Variants in NBPF8 observed in about 807,000 individuals in gnomAD.
NBPF8 encodes the protein NBPF family member NBPF8.
chr1:120,423,165 G>A (rs1164778952), intron 1 of NBPF8, among the ~76,000 whole-genome samples: 1 of 136,026 alleles, frequency 7.4e-6, no homozygotes, highest in South Asian at 2.2e-4. Context: ...TTAGTAGATT[G>A]TGCTTTTGGT....
chr1:120,466,063 T>C (rs1661739509), exon 25 of NBPF8: 2 of 1,612,032 alleles, frequency 1.2e-6, no homozygotes, highest in Non-Finnish European at 1.7e-6. Flanking sequence ...ATCAATGTAC[T>C]GTGAACTACG....
At chr1:120,460,064 G>A (rs1386268905) in intron 17 of NBPF8, among the ~76,000 whole-genome samples, 1 of 152,008 alleles carries the variant, frequency 6.6e-6, no homozygotes, top group East Asian at 1.9e-4. Context: ...CATGTTCCTG[G>A]TATGTTTTCT....
At chr1:120,430,605 T>A (rs1660849717) in intron 3 of NBPF8, among the ~76,000 whole-genome samples, 1 of 143,614 alleles carries the variant, frequency 7.0e-6, no homozygotes, top group South Asian at 2.2e-4. Context: ...ATACAAAAAA[T>A]TAGCTAGGCG....
chr1:120,451,982 C>G lies in NBPF8; in HGVS notation n.2075-135C>G. ...TTCTATTCTTTCTCTTGGCCACAGACATTCCTTTCAACATGTGCTGACCTT... is the reference window on the plus strand; with the variant it reads ...TTCTATTCTTTCTCTTGGCCACAGAGATTCCTTTCAACATGTGCTGACCTT... On this transcript the variant is annotated intron_variant and non_coding_transcript_variant, in intron 12 of 24. Coordinates refer to ENST00000583271, the Ensembl canonical transcript of NBPF8. 1.6e-5 allele frequency: 16 copies of G among 992,178 alleles called. No individual in the cohort carries two copies. The South Asian group carries it at 2.1e-4, about 13-fold the overall frequency. The allele number at this position is 992,178 out of a possible 1,614,324, so 61.5% of individuals were successfully genotyped here. A position where few individuals can be genotyped will look rare whatever the true frequency, so the allele number is the denominator to read the frequency against.
chr1:120,415,386 G>T (rs1191837756), upstream of NBPF8, among the ~76,000 whole-genome samples: 3 of 152,086 alleles, frequency 2.0e-5, 1 homozygote, highest in South Asian at 6.2e-4. Context: ...AGGGCGAGGC[G>T]GGGTGGGGGG....
At chr1:120,425,328 C>T (rs1347699456) in intron 1 of NBPF8, among the ~76,000 whole-genome samples, 1,742 of 152,102 alleles carry the variant, frequency 0.011, 13 homozygotes, top group South Asian at 0.031. Flanking sequence ...AGGAGAAAAC[C>T]GCCTTAGGAC....
upstream of NBPF8, among the ~76,000 whole-genome samples, chr1:120,415,717 G>A (rs1660417173): frequency 6.6e-6 from 1 of 152,156 alleles, no homozygotes; most frequent in African/African-American, 2.4e-5. Flanking sequence ...TGCTCCTGGC[G>A]GTTTCTCCAG....
chr1:120,425,684 A>G (rs1660709134), intron 1 of NBPF8, among the ~76,000 whole-genome samples: 1 of 151,160 alleles, frequency 6.6e-6, no homozygotes, highest in African/African-American at 2.4e-5. Context: ...CCACCTAATG[A>G]GAAACGCCCA....
chr1:120,449,904 C>A (rs1447819168), intron 11 of NBPF8, among the ~76,000 whole-genome samples: 3 of 152,206 alleles, frequency 2.0e-5, no homozygotes, highest in South Asian at 4.2e-4. Flanking sequence ...CCTAATAGAA[C>A]CTGTGCTGTC....
At chr1:120,452,016 A>T in intron 12 of NBPF8, 101 bp from the exon 11 acceptor site, 3 of 1,314,790 alleles carry the variant, frequency 2.3e-6, no homozygotes, top group Non-Finnish European at 3.3e-6. Context: ...TTCTGTTTCA[A>T]GGTCTCCTTG....
In NBPF8 at chr1:120,462,308, C is replaced by G. The variant is rs1402255984; in HGVS notation, n.3061+111C>G. 6.0e-6 allele frequency: 4 copies of G among 671,346 alleles called. 1 individual carries two copies. The African/African-American group carries it at 6.0e-5, about 10-fold the overall frequency. 41.6% of individuals were successfully genotyped at this position (671,346 alleles called of 1,614,324 possible). On this transcript the variant is annotated intron_variant and non_coding_transcript_variant, in intron 20 of 24. Transcript: ENST00000583271. ...CATGTTTTCAACGAAGGTTGAAATA[C>G]TCCTCCTGACATTGCTGTTGGTTTT...
exon 18 of NBPF8, chr1:120,460,576 A>T (rs1175577703): frequency 8.3e-6 from 12 of 1,441,750 alleles, no homozygotes; most frequent in Admixed American, 1.7e-5. Context: ...TTTGCAGGAC[A>T]TCGGTGGGAT....
chr1:120,455,321 T>G, intron 15 of NBPF8, 88 bp from the exon 14 acceptor site: 1 of 700,946 alleles, frequency 1.4e-6, no homozygotes, highest in Admixed American at 2.1e-5. Flanking sequence ...AGAATAGTTA[T>G]GTCCTTGTGC....
intron 1 of NBPF8, among the ~76,000 whole-genome samples, 178 bp downstream of exon 2, chr1:120,420,296 C>T (rs1660538219): frequency 1.3e-5 from 2 of 151,506 alleles, no homozygotes; most frequent in Admixed American, 1.3e-4. Context: ...GCGTGTGCCA[C>T]CCTCGACCTG....
upstream of NBPF8, among the ~76,000 whole-genome samples, chr1:120,436,125 G>T (rs1462476851): frequency 6.6e-6 from 1 of 150,624 alleles, no homozygotes; most frequent in Non-Finnish European, 1.5e-5. Flanking sequence ...GTGACCCTCA[G>T]GTGAGACTAG....
At chr1:120,460,483 T>A (rs1661549981) in intron 17 of NBPF8, 90 bp from the exon 16 acceptor site, 5 of 819,406 alleles carry the variant, frequency 6.1e-6, no homozygotes, top group Admixed American at 3.4e-5. Context: ...ACAAGACTGA[T>A]GTCCCTGTGT....
At chr1:120,466,416 T>C in exon 25 of NBPF8, 4 of 658,988 alleles carry the variant, frequency 6.1e-6, no homozygotes, top group Non-Finnish European at 9.7e-6. Flanking sequence ...ACGTTAGGTG[T>C]GACACGTTCA....
chr1:120,456,372 G>T (rs1294017495), intron 16 of NBPF8, among the ~76,000 whole-genome samples: 3 of 149,470 alleles, frequency 2.0e-5, no homozygotes, highest in South Asian at 4.2e-4. Context: ...GGGTGTTAAA[G>T]TCTCCCATTA....
chr1:120,460,399 C>G (rs1661546968), intron 17 of NBPF8, among the ~76,000 whole-genome samples, 174 bp from the exon 16 acceptor site: 1 of 152,132 alleles, frequency 6.6e-6, no homozygotes, highest in South Asian at 2.1e-4. Context: ...ATGAAAGAAC[C>G]CAAGCCAGTT....
Sources: allele counts gnomAD v4.1 joint callset (sites outside exome capture counted in the v4.1 genomes callset), GRCh38; gene constraint gnomAD v4.1.1; transcripts MANE v1.5; gene names NCBI Gene and HGNC (gene_info 2026-07-23, HGNC 2026-07-21).